HMGB1: variants seen among roughly 807,000 people sequenced by gnomAD.
HMGB1 encodes high mobility group protein B1.
For synonymous variants in HMGB1, 81 were observed against 84.0 expected, an observed-to-expected ratio of 0.96 and a Z score of 0.19; for missense variants, 79 against 253.5, an observed-to-expected ratio of 0.31 and a Z score of 4.67.
chr13:30,491,327 G>T (rs570714451), intron 1 of HMGB1, among the ~76,000 whole-genome samples: 1 of 143,244 alleles, frequency 7.0e-6, no homozygotes, highest in African/African-American at 3.0e-5. Flanking sequence ...ACCGCGCCTG[G>T]CCCATAGGAA....
chr13:30,587,352 T>C (rs1403152142), intron 1 of HMGB1, among the ~76,000 whole-genome samples: 3 of 152,228 alleles, frequency 2.0e-5, no homozygotes, highest in African/African-American at 7.2e-5. Context: ...AGTCTCACTA[T>C]GTTGCCCAGG....
chr13:30,584,094 A>T (rs1871039463), intron 1 of HMGB1, among the ~76,000 whole-genome samples: 2 of 152,218 alleles, frequency 1.3e-5, no homozygotes, highest in Admixed American at 6.5e-5. Context: ...AAAGGAAGGA[A>T]GGAAACAAAA....
chr13:30,529,028 C>CAAAAAAAAAAA (rs59654057), intron 1 of HMGB1, among the ~76,000 whole-genome samples: 3 of 53,546 alleles, frequency 5.6e-5, no homozygotes, highest in African/African-American at 2.1e-4. Context: ...GACTGCGTCT[C>CAAAAAAAAAAA]AAAAAAAAAA....
At chr13:30,467,949 A>G, upstream of HMGB1, among the ~76,000 whole-genome samples, 1 of 152,202 alleles carries the variant, frequency 6.6e-6, no homozygotes, top group Admixed American at 6.5e-5. Context: ...CTATTTTGAC[A>G]GGATGATATG....
chr13:30,549,647 G>A (rs896690408), intron 1 of HMGB1, among the ~76,000 whole-genome samples: 14 of 151,936 alleles, frequency 9.2e-5, no homozygotes, highest in Non-Finnish European at 1.6e-4. Flanking sequence ...CTCCTGCTTC[G>A]GCCTCCCAAA....
intron 4 of HMGB1, 146 bp from the exon 5 acceptor site, chr13:30,461,679 A>C (rs1313738063): frequency 6.3e-7 from 1 of 1,582,304 alleles, no homozygotes; most frequent in African/African-American, 1.3e-5. Flanking sequence ...AACTCCAGAA[A>C]TAACTAGAAC....
At chr13:30,480,255 G>A (rs1343451696) in intron 1 of HMGB1, among the ~76,000 whole-genome samples, 2 of 152,100 alleles carry the variant, frequency 1.3e-5, no homozygotes, top group African/African-American at 2.4e-5. Context: ...ATATGTATTC[G>A]TTAAATTCAA....
chr13:30,544,035 C>G (rs1352219027), intron 1 of HMGB1, among the ~76,000 whole-genome samples: 3 of 152,244 alleles, frequency 2.0e-5, no homozygotes, highest in Non-Finnish European at 4.4e-5. Context: ...GGATGGGCAT[C>G]TGGAATGGTT....
At chr13:30,517,490 C>T (rs1459583195) in intron 1 of HMGB1, among the ~76,000 whole-genome samples, 3 of 152,238 alleles carry the variant, frequency 2.0e-5, no homozygotes, top group African/African-American at 7.2e-5. Context: ...CTGCAACCTC[C>T]ACCTCCAGGG....
At position 30,556,692 on chromosome 13, in the gene HMGB1, C is replaced by T. The variant is rs145081498; in HGVS notation, c.-15+59979G>A. ...AACAGTGCATGTTCTCACTCATATGCGAAAGCTAAAAAAAGTTGATCTCAT... is the reference window on the plus strand; with the variant it reads ...AACAGTGCATGTTCTCACTCATATGTGAAAGCTAAAAAAAGTTGATCTCAT... On this transcript the variant is annotated intron_variant, in intron 1 of 4. Transcript: ENST00000405805. Among the ~76,000 whole-genome samples, 67 of 152,100 alleles carry T rather than the reference C, an allele frequency of 4.4e-4. No individual in the cohort carries two copies. In the East Asian group the frequency reaches 9.7e-3, roughly 22 times the overall value.
chr13:30,616,556 C>T (rs954513279), intron 1 of HMGB1: 2 of 152,192 alleles, frequency 1.3e-5, no homozygotes, highest in Non-Finnish European at 2.9e-5. Flanking sequence ...GGAAGTACTA[C>T]TTTCTCCAAT....
At chr13:30,601,056 A>AC (rs1470406901) in intron 1 of HMGB1, among the ~76,000 whole-genome samples, 2 of 152,006 alleles carry the variant, frequency 1.3e-5, no homozygotes, top group African/African-American at 4.8e-5. Flanking sequence ...TTTCTGCCCC[A>AC]CCCTCACTGA....
chr13:30,498,541 C>T (rs984993973), intron 1 of HMGB1, among the ~76,000 whole-genome samples: 3 of 151,996 alleles, frequency 2.0e-5, no homozygotes, highest in Non-Finnish European at 2.9e-5. Flanking sequence ...TTATGCCCCC[C>T]ACCACCCCAC....
intron 1 of HMGB1, among the ~76,000 whole-genome samples, chr13:30,565,438 T>C (rs1240479064): frequency 6.6e-6 from 1 of 152,188 alleles, no homozygotes; most frequent in Non-Finnish European, 1.5e-5. Context: ...GCATAGATTG[T>C]CAGGCAGATC....
intron 1 of HMGB1, among the ~76,000 whole-genome samples, chr13:30,573,876 A>G (rs542496110): frequency 1.3e-5 from 2 of 151,798 alleles, no homozygotes; most frequent in South Asian, 4.2e-4. Context: ...CTGATCTGGA[A>G]CTCCTGGTCT....
chr13:30,551,220 A>G (rs941581622), intron 1 of HMGB1, among the ~76,000 whole-genome samples: 1 of 152,242 alleles, frequency 6.6e-6, no homozygotes, highest in Non-Finnish European at 1.5e-5. Flanking sequence ...TGTATAAACT[A>G]AGCACCTTAA....
intron 1 of HMGB1, among the ~76,000 whole-genome samples, chr13:30,566,163 T>C (rs1192056255): frequency 2.0e-5 from 3 of 152,186 alleles, no homozygotes; most frequent in African/African-American, 7.2e-5. Flanking sequence ...TGCAAAGTAA[T>C]TGTGGTTTTG....
intron 1 of HMGB1, 48 bp from the exon 2 acceptor site, chr13:30,463,742 A>T (rs908281054): frequency 8.0e-7 from 1 of 1,256,144 alleles, no homozygotes; most frequent in Non-Finnish European, 1.1e-6. Flanking sequence ...ATTATGACAT[A>T]TAAGACCTTA....
intron 1 of HMGB1, among the ~76,000 whole-genome samples, chr13:30,613,894 G>A (rs1387374356): frequency 1.3e-5 from 2 of 150,318 alleles, no homozygotes; most frequent in African/African-American, 2.4e-5. Flanking sequence ...ATAAAGATCT[G>A]GAAAAAAAAA....
Sources: gnomAD v4.1 joint callset for allele counts (sites outside exome capture counted in the v4.1 genomes callset) on GRCh38, gnomAD v4.1.1 for gene constraint, MANE v1.5 for transcripts, NCBI Gene and HGNC (gene_info 2026-07-23, HGNC 2026-07-21) for gene names.